The following SEZ6L variants were observed in gnomAD, a reference collection of about 807,000 sequenced individuals.
The protein encoded by SEZ6L is seizure 6-like protein.
A neutral mutation model predicts 106.2 loss-of-function variants in SEZ6L; 37 were observed. That is an observed-to-expected ratio of 0.35 (90% CI 0.27 to 0.46). SEZ6L has a LOEUF of 0.46. Ranked by LOEUF, SEZ6L falls within the 20% of genes least tolerant of loss-of-function variation. The pLI, the probability that SEZ6L is intolerant of heterozygous loss-of-function variation, is 1.00. For synonymous variants in SEZ6L, 541 were observed against 570.4 expected (o/e 0.95, Z 0.73); for missense variants, 1,172 against 1,332.8 (o/e 0.88, Z 1.88).
intron 3 of SEZ6L, among the ~76,000 whole-genome samples, chr22:26,294,902 TTGCTTCCTG>T (rs1437443160): frequency 2.7e-4 from 40 of 145,832 alleles, no homozygotes; most frequent in African/African-American, 9.1e-4. Flanking sequence ...GCTTGCTTGC[TTGCTTCCTG>T]CTTTCTTGCT....
intron 1 of SEZ6L, among the ~76,000 whole-genome samples, chr22:26,271,704 C>T (rs1456864932): frequency 6.6e-6 from 1 of 152,316 alleles, no homozygotes; most frequent in East Asian, 1.9e-4. Flanking sequence ...TGATTAAAAG[C>T]TCCCTGATGC....
intron 9 of SEZ6L, among the ~76,000 whole-genome samples, chr22:26,337,893 T>C (rs977421988): frequency 1.3e-5 from 2 of 152,192 alleles, no homozygotes; most frequent in African/African-American, 2.4e-5. Flanking sequence ...GTGGAAGGTA[T>C]TGGGGTGAAT....
chr22:26,349,486 G>A (rs1181883729), intron 11 of SEZ6L, among the ~76,000 whole-genome samples: 2 of 152,218 alleles, frequency 1.3e-5, no homozygotes, highest in Admixed American at 6.5e-5. Context: ...CTTCAATTGT[G>A]TGTGTGTGTA....
intron 9 of SEZ6L, 114 bp downstream of exon 9, chr22:26,314,016 G>T: frequency 9.1e-7 from 1 of 1,095,532 alleles, no homozygotes; most frequent in Non-Finnish European, 1.4e-6. Context: ...ACTATGTGCC[G>T]GGACTATGCA....
intron 1 of SEZ6L, among the ~76,000 whole-genome samples, chr22:26,202,891 G>A (rs1941059094): frequency 1.3e-5 from 2 of 152,170 alleles, no homozygotes; most frequent in Non-Finnish European, 2.9e-5. Flanking sequence ...ACACTGGGCT[G>A]CAATAATTTT....
intron 1 of SEZ6L, among the ~76,000 whole-genome samples, chr22:26,181,128 A>C (rs1939363775): frequency 6.6e-6 from 1 of 152,220 alleles, no homozygotes; most frequent in Non-Finnish European, 1.5e-5. Flanking sequence ...TGTCACTACT[A>C]TCCTGCACAA....
In SEZ6L at chr22:26,347,997, C is replaced by T. The variant is rs2083067095; in HGVS notation, c.2407+84C>T. 2.7e-5 allele frequency: 30 copies of T among 1,124,120 alleles called. No homozygotes were observed. The South Asian group carries it at 3.3e-4, about 13-fold the overall frequency. 69.6% of individuals were successfully genotyped at this position (1,124,120 alleles called of 1,614,324 possible). A position where few individuals can be genotyped will look rare whatever the true frequency, so the allele number is the denominator to read the frequency against. Reference sequence around the variant, plus strand: ...TCTTTTTTTGGTGGGTGCAGTGGAGCTGTTTAATGTAGAATCTGGACTCCC... The same window carrying T: ...TCTTTTTTTGGTGGGTGCAGTGGAGTTGTTTAATGTAGAATCTGGACTCCC... On this transcript the variant is annotated intron_variant, in intron 11 of 16. Coordinates refer to ENST00000248933, the MANE Select transcript of SEZ6L (RefSeq NM_021115.5).
chr22:26,329,397 G>A (rs948747493), intron 9 of SEZ6L, among the ~76,000 whole-genome samples: 2 of 152,142 alleles, frequency 1.3e-5, no homozygotes, highest in African/African-American at 4.8e-5. Context: ...GAACCCAGGA[G>A]GCGGAGGTTG....
intron 1 of SEZ6L, among the ~76,000 whole-genome samples, chr22:26,187,663 G>A (rs1429925587): frequency 1.3e-5 from 2 of 152,204 alleles, no homozygotes; most frequent in East Asian, 3.9e-4. Flanking sequence ...GAGAGGAGAG[G>A]AAAAGAATAT....
intron 1 of SEZ6L, among the ~76,000 whole-genome samples, chr22:26,283,878 C>T (rs974425249): frequency 6.6e-6 from 1 of 152,144 alleles, no homozygotes; most frequent in African/African-American, 2.4e-5. Flanking sequence ...GATGAAGGTG[C>T]ACATATGTGG....
chr22:26,332,601 C>T (rs959738733), intron 9 of SEZ6L, among the ~76,000 whole-genome samples: 5 of 152,112 alleles, frequency 3.3e-5, no homozygotes, highest in Non-Finnish European at 2.9e-5. Context: ...CATGTGCCAC[C>T]GTGCCCGGCT....
rs2082870885 is a variant in SEZ6L at position 26,342,545 on chromosome 22, C to A, written c.2212+1913C>A. On this transcript the variant is annotated intron_variant, in intron 10 of 16. Transcript: ENST00000248933. ...TCTACTAAAAATACAAAAAAAAAAA[C>A]ATTAGCTGGGTGTGGTGGCAGGCAC... Among the ~76,000 whole-genome samples the A allele has an allele frequency of 3.0e-5, 4 of 134,100 alleles. No homozygotes were observed. In the South Asian group the frequency reaches 7.3e-4, roughly 25 times the overall value. The allele number at this position is 134,100 out of a possible 152,430, so 88.0% of individuals were successfully genotyped here.
At chr22:26,173,775 T>C (rs530835785) in intron 1 of SEZ6L, among the ~76,000 whole-genome samples, 1 of 152,304 alleles carries the variant, frequency 6.6e-6, no homozygotes, top group Non-Finnish European at 1.5e-5. Flanking sequence ...GTCATCTCTC[T>C]TTCTGCTTTG....
At chr22:26,279,340 C>T (rs1270246469) in intron 1 of SEZ6L, among the ~76,000 whole-genome samples, 1 of 152,090 alleles carries the variant, frequency 6.6e-6, no homozygotes, top group Non-Finnish European at 1.5e-5. Flanking sequence ...CTCGTTTTCC[C>T]ACCCAGCCAC....
Position 26,301,619 on chromosome 22 carries a change from T to C in SEZ6L, c.1348+2450T>C, listed in dbSNP as rs143456783. On this transcript the variant is annotated intron_variant, in intron 5 of 16. Coordinates refer to ENST00000248933, the MANE Select transcript of SEZ6L (RefSeq NM_021115.5). ...AAAGGTATACAGGAAGAAGCTGTGA[T>C]AGAGGACCTCACCTGGGAGGAGGAC... is the stretch of plus-strand genomic sequence containing the variant. Among the ~76,000 whole-genome samples the C allele has an allele frequency of 1.3e-3, 191 of 152,066 alleles. 1 individual carries two copies. The East Asian group carries it at 0.023, about 19-fold the overall frequency.
intron 8 of SEZ6L, among the ~76,000 whole-genome samples, chr22:26,312,674 G>T (rs551215756): frequency 2.0e-5 from 3 of 152,320 alleles, no homozygotes; most frequent in South Asian, 4.1e-4. Flanking sequence ...GGGTTCAAGC[G>T]ATTCTCCTGT....
chr22:26,227,849 C>A (rs2078679803), intron 1 of SEZ6L, among the ~76,000 whole-genome samples: 1 of 152,198 alleles, frequency 6.6e-6, no homozygotes, highest in Non-Finnish European at 1.5e-5. Context: ...CCTCTGCCCT[C>A]CAGGACTGGG....
At chr22:26,291,825 A>C (rs1400029065) in intron 1 of SEZ6L, among the ~76,000 whole-genome samples, 4 of 152,130 alleles carry the variant, frequency 2.6e-5, no homozygotes, top group African/African-American at 9.6e-5. Flanking sequence ...TTCTCTTTCC[A>C]AGCATTCATC....
At chr22:26,316,849 AAGAG>A (rs1231544407) in intron 9 of SEZ6L, among the ~76,000 whole-genome samples, 3 of 150,954 alleles carry the variant, frequency 2.0e-5, no homozygotes, top group Admixed American at 6.6e-5. Flanking sequence ...AAAGAAAAGA[AAGAG>A]AGAGAGAGAA....
Sources: allele counts gnomAD v4.1 joint callset (sites outside exome capture counted in the v4.1 genomes callset), GRCh38; gene constraint gnomAD v4.1.1; transcripts MANE v1.5; gene names NCBI Gene and HGNC (gene_info 2026-07-23, HGNC 2026-07-21).